Variants in ANKRD40 observed in about 807,000 individuals in gnomAD.
ANKRD40 encodes the protein ankyrin repeat domain-containing protein 40.
A neutral mutation model predicts 35.5 loss-of-function variants in ANKRD40; 24 were observed. The observed-to-expected ratio is 0.68, with a 90% CI of 0.49 to 0.95. The LOEUF is 0.95. Ranked by LOEUF, ANKRD40 falls within the 40% of genes least tolerant of loss-of-function variation. The pLI is 0.00. For synonymous variants in ANKRD40, 147 were observed against 173.5 expected (o/e 0.85, Z 1.20); for missense variants, 361 against 436.0 (o/e 0.83, Z 1.53).
At chr17:50,706,125 CT>C (rs60793271) in intron 1 of ANKRD40, among the ~76,000 whole-genome samples, 18,792 of 142,006 alleles carry the variant, frequency 0.13, 1,770 homozygotes, top group African/African-American at 0.28. Flanking sequence ...TGTAAACTCA[CT>C]TTTTTTTTTT....
chr17:50,697,544 A>T (rs190800848), intron 3 of ANKRD40, among the ~76,000 whole-genome samples: 83 of 152,364 alleles, frequency 5.4e-4, no homozygotes, highest in African/African-American at 1.9e-3. Flanking sequence ...AAGATTTAAC[A>T]ATTATGGACC....
chr17:50,705,162 G>A (rs1968318041), intron 1 of ANKRD40, among the ~76,000 whole-genome samples: 1 of 150,650 alleles, frequency 6.6e-6, no homozygotes, highest in Non-Finnish European at 1.5e-5. Flanking sequence ...TATCTGTGCT[G>A]CAAAGCAAGT....
chr17:50,701,821 T>C (rs541569186), intron 1 of ANKRD40, among the ~76,000 whole-genome samples: 10 of 152,208 alleles, frequency 6.6e-5, no homozygotes, highest in Non-Finnish European at 1.3e-4. Context: ...GGAAAGTTTA[T>C]ATGATTCCAG....
In ANKRD40 at chr17:50,696,948, A is replaced by G. The variant is rs563704829; in HGVS notation, c.952T>C (p.Leu318=). 6.2e-7 allele frequency: 1 copy of G among 1,601,570 alleles called. No individual in the cohort carries two copies. The highest frequency in any genetic ancestry group is 2.3e-5 in the East Asian group (1 of 44,418). The change falls in exon 4 of 5, where the codon TTA becomes CTA. Residue 318 remains leucine, a synonymous_variant. Coordinates refer to ENST00000285243, the MANE Select transcript of ANKRD40 (RefSeq NM_052855.4). ...GCTTAGACTTTTCTTACCTTCCTTA[A>G]CAGAGTATTGGGTAACTTTCTGATC... is the stretch of plus-strand genomic sequence containing the variant. ...EKIRKLPNTL[L]RKDKDVARLQ... is the part of the protein sequence containing the mutation.
intron 2 of ANKRD40, 72 bp downstream of exon 2, chr17:50,700,496 A>G (rs1393905693): frequency 6.7e-7 from 1 of 1,490,498 alleles, no homozygotes; most frequent in African/African-American, 1.4e-5. Flanking sequence ...CAGCATTAAG[A>G]ACGTAGCCAA....
chr17:50,698,540 A>C (rs1029685141), intron 3 of ANKRD40, among the ~76,000 whole-genome samples: 1 of 152,222 alleles, frequency 6.6e-6, no homozygotes, highest in Non-Finnish European at 1.5e-5. Context: ...AAAAAGATCA[A>C]GATCAAAAAT....
intron 4 of ANKRD40, 38 bp from the exon 5 acceptor site, chr17:50,696,181 A>G (rs1387496672): frequency 6.3e-7 from 1 of 1,599,358 alleles, no homozygotes; most frequent in Non-Finnish European, 8.5e-7. Context: ...AACAGGAGCC[A>G]CTTGTCTCCA....
In ANKRD40 at chr17:50,694,994, T is replaced by C. The variant is rs1484820569; in HGVS notation, c.*1003A>G. Reference sequence around the variant, plus strand: ...TTTCATTTGTAGTGGAAAATGAAAGTGGAGAACATGGAACAGCAATATTTG... The same window carrying C: ...TTTCATTTGTAGTGGAAAATGAAAGCGGAGAACATGGAACAGCAATATTTG... On this transcript the variant is annotated 3_prime_UTR_variant, in exon 5 of 5. Transcript: ENST00000285243. 7 of 152,062 alleles carry C rather than the reference T, an allele frequency of 4.6e-5. No individual in the cohort carries two copies. Among genetic ancestry groups the C allele is most frequent in the Admixed American group, 2.0e-4 (3 of 15,264 alleles). 9.4% of individuals were successfully genotyped at this position (152,062 alleles called of 1,614,324 possible).
At chr17:50,704,815 T>G (rs1223902685) in intron 1 of ANKRD40, among the ~76,000 whole-genome samples, 1 of 151,902 alleles carries the variant, frequency 6.6e-6, no homozygotes, top group East Asian at 1.9e-4. Context: ...GTAAAACACT[T>G]AGAACCCTAT....
In ANKRD40 at chr17:50,695,869, T is replaced by A; in HGVS notation, c.*128A>T. 1 of 1,120,414 alleles carries A rather than the reference T, an allele frequency of 8.9e-7. No individual in the cohort carries two copies. Among genetic ancestry groups the A allele is most frequent in the Non-Finnish European group, 1.3e-6 (1 of 797,620 alleles). The allele number at this position is 1,120,414 out of a possible 1,614,324, so 69.4% of individuals were successfully genotyped here. On this transcript the variant is annotated 3_prime_UTR_variant, in exon 5 of 5. Transcript: ENST00000285243. The stretch of plus-strand genomic sequence containing the variant: ...GGCTTCCTACCTTGGCAGAATGATG[T>A]TAGTATATACTATGCAGTGGCACCA...
At chr17:50,701,339 T>A (rs1240675439) in intron 1 of ANKRD40, among the ~76,000 whole-genome samples, 1 of 152,218 alleles carries the variant, frequency 6.6e-6, no homozygotes, top group African/African-American at 2.4e-5. Flanking sequence ...TACAAACATA[T>A]CCTCATCTGC....
rs113060666 is a variant in ANKRD40 at position 50,707,265 on chromosome 17, G to A, written c.134+256C>T. ...GACCAAGTGAGCCGGGAGCGCGGGG[G>A]AAGGGGGTAGGGCACCAGAGTCCCA... On this transcript the variant is annotated intron_variant, in intron 1 of 4. Transcript: ENST00000285243. The surrounding 1 kb of genome is among the most constrained non-coding windows in gnomAD (Gnocchi z 4.8). Among the ~76,000 whole-genome samples the A allele has an allele frequency of 3.9e-3, 594 of 152,290 alleles. 3 individuals carry two copies. Among genetic ancestry groups the A allele is most frequent in the Non-Finnish European group, 3.8e-3 (259 of 68,022 alleles).
chr17:50,694,956 C>A lies in ANKRD40; in HGVS notation c.*1041G>T, dbSNP rs1346922991. 7 of 152,182 alleles carry A rather than the reference C, an allele frequency of 4.6e-5. No individual in the cohort carries two copies. The highest frequency in any genetic ancestry group is 8.8e-5 in the Non-Finnish European group (6 of 68,026). 9.4% of individuals were successfully genotyped at this position (152,182 alleles called of 1,614,324 possible). On this transcript the variant is annotated 3_prime_UTR_variant, in exon 5 of 5. Coordinates refer to ENST00000285243, the MANE Select transcript of ANKRD40 (RefSeq NM_052855.4). ...CCTTTAAAATAGCAACAGATTCAGT[C>A]TCAAAAATTGCTTTTCATTTGTAGT...
In ANKRD40 at chr17:50,697,023, G is replaced by A; in HGVS notation, c.877C>T (p.Leu293Phe). The A allele has an allele frequency of 1.2e-6, 2 of 1,614,124 alleles. No individual in the cohort carries two copies. The highest frequency in any genetic ancestry group is 1.7e-6 in the Non-Finnish European group (2 of 1,180,020). The change falls in exon 4 of 5, where the codon CTC becomes TTC. Residue 293 changes from leucine (L) to phenylalanine (F), a missense_variant. Around this residue, in one of 5 missense-constraint regions of ANKRD40, gnomAD observed 93 missense variants for 129.6 expected, o/e 0.72. Transcript: ENST00000285243. ...CCCAGCTCACAGCAACACACTCTGA[G>A]CAACTCTTGGTAGGTGAGCTCCTGT... is the stretch of plus-strand genomic sequence containing the variant. ...DRQELTYQEL[L>F]RVCCCELGVN...
chr17:50,706,951 G>A (rs1053430092), intron 1 of ANKRD40, among the ~76,000 whole-genome samples: 9 of 137,384 alleles, frequency 6.6e-5, no homozygotes, highest in African/African-American at 2.4e-4. Flanking sequence ...ATAATCGATA[G>A]GATAAACAAA....
At chr17:50,696,804 T>C in intron 4 of ANKRD40, 136 bp downstream of exon 4, 2 of 805,714 alleles carry the variant, frequency 2.5e-6, no homozygotes, top group Non-Finnish European at 3.6e-6. Flanking sequence ...TAGAAGGAAA[T>C]GATTACATTT....
intron 1 of ANKRD40, among the ~76,000 whole-genome samples, chr17:50,706,006 TATC>T (rs1347043060): frequency 6.6e-6 from 1 of 151,874 alleles, no homozygotes; most frequent in African/African-American, 2.4e-5. Context: ...GTTCTGGTGC[TATC>T]ATATTAATAG....
chr17:50,700,936 T>G, intron 1 of ANKRD40: 1 of 465,222 alleles, frequency 2.1e-6, no homozygotes, highest in Non-Finnish European at 3.8e-6. Flanking sequence ...AAAAACTAAC[T>G]TAACCTAGGA....
At position 50,694,856 on chromosome 17, in the gene ANKRD40, A is replaced by G. The variant is rs1412310908; in HGVS notation, c.*1141T>C. ...ATTTCAGAATTGTGTAAAAATCCTAATAATTTCAAAATAACCTTTATTTTT... is the reference window on the plus strand; with the variant it reads ...ATTTCAGAATTGTGTAAAAATCCTAGTAATTTCAAAATAACCTTTATTTTT... On this transcript the variant is annotated 3_prime_UTR_variant, in exon 5 of 5. Coordinates refer to ENST00000285243, the MANE Select transcript of ANKRD40 (RefSeq NM_052855.4). The G allele has an allele frequency of 6.6e-6, 1 of 152,210 alleles. No individual in the cohort carries two copies. The highest frequency in any genetic ancestry group is 2.4e-5 in the African/African-American group (1 of 41,448). 9.4% of individuals were successfully genotyped at this position (152,210 alleles called of 1,614,324 possible).
Sources: allele counts gnomAD v4.1 joint callset (sites outside exome capture counted in the v4.1 genomes callset), GRCh38; gene constraint gnomAD v4.1.1; regional missense constraint gnomAD v4.1.1; non-coding constraint Gnocchi (gnomAD v3.1); transcripts MANE v1.5; gene names NCBI Gene and HGNC (gene_info 2026-07-23, HGNC 2026-07-21).